FNIP1: variants seen among roughly 807,000 people sequenced by gnomAD.
FNIP1 encodes the protein folliculin interacting protein 1.
Under a neutral mutation model 124.5 loss-of-function variants are expected in FNIP1, and 40 were observed. The ratio of observed to expected loss-of-function variants is 0.32; its 90% confidence interval spans 0.25 to 0.42. The LOEUF (loss-of-function observed/expected upper bound fraction) is 0.42, where lower values mean the gene tolerates loss of function less well. FNIP1 is among the 10% of genes least tolerant of loss of function. The pLI is 1.00. For missense variants in FNIP1, 1,176 were observed against 1,403.7 expected, an observed-to-expected ratio of 0.84 and a Z score of 2.59; for synonymous variants, 472 against 470.6, an observed-to-expected ratio of 1.00 and a Z score of -0.04.
In FNIP1 at chr5:131,642,105, T is replaced by C. The variant is rs1238519904; in HGVS notation, c.*2580A>G. On this transcript the variant is annotated 3_prime_UTR_variant, in exon 18 of 18. Transcript: ENST00000510461. ...TATAATGTAAAAGATCCCTTTTTTA[T>C]TTCCTGTTTCAATAAACAGGTTTTT... 2.6e-5 allele frequency: 4 copies of C among 152,756 alleles called. No homozygotes were observed. The highest frequency in any genetic ancestry group is 9.7e-5 in the African/African-American group (4 of 41,446). The allele number at this position is 152,756 out of a possible 1,614,324, so 9.5% of individuals were successfully genotyped here. A position where few individuals can be genotyped will look rare whatever the true frequency, so the allele number is the denominator to read the frequency against.
In FNIP1 at chr5:131,769,984, G is replaced by A. The variant is rs199815560; in HGVS notation, c.93-25294C>T. Among the ~76,000 whole-genome samples the A allele has an allele frequency of 6.6e-5, 10 of 152,330 alleles. No individual in the cohort carries two copies. In the East Asian group the frequency reaches 1.9e-3, roughly 29 times the overall value. The stretch of plus-strand genomic sequence containing the variant: ...AAACAAGGTCTGGTCCAGAGTAAGA[G>A]TGCTCAGGCAACCAATGGCTTAGAA... On this transcript the variant is annotated intron_variant, in intron 1 of 17. Transcript: ENST00000510461.
intron 2 of FNIP1, among the ~76,000 whole-genome samples, chr5:131,741,571 T>C (rs1770514137): frequency 2.0e-5 from 3 of 152,226 alleles, no homozygotes. Context: ...GCTGTTATAT[T>C]CTTCATTGAC....
Position 131,672,362 on chromosome 5 carries a change from C to A in FNIP1, c.2082G>T (p.Leu694Phe). 1 of 1,614,194 alleles carries A rather than the reference C, an allele frequency of 6.2e-7. No homozygotes were observed. The highest frequency in any genetic ancestry group is 2.2e-5 in the East Asian group (1 of 44,886). Residue 694 changes from leucine to phenylalanine, a missense_variant, in exon 14 of 18, where the codon TTG becomes TTT. Physicochemically the swap from Leu to Phe is conservative, Grantham distance 22. Coordinates refer to ENST00000510461, the MANE Select transcript of FNIP1 (RefSeq NM_133372.3). ...CTGTTGACTCTAAGCCTGACTCTGA[C>A]AATGCACATTTGTCTACTGGAACAG... is the stretch of plus-strand genomic sequence containing the variant. ...TGSVPVDKCA[L>F]SESGLESTEE...
chr5:131,693,333 C>CATATATATATATATATATACATAT (rs1768564661), intron 11 of FNIP1, among the ~76,000 whole-genome samples: 8 of 50,150 alleles, frequency 1.6e-4, no homozygotes, highest in African/African-American at 5.4e-4. Flanking sequence ...TATATATATA[C>CATATATATATATATATATACATAT]ATATATATAT....
In FNIP1 at chr5:131,677,733, G is replaced by A; in HGVS notation, c.1489C>T (p.His497Tyr). 1 of 1,614,048 alleles carries A rather than the reference G, an allele frequency of 6.2e-7. No individual in the cohort carries two copies. The highest frequency in any genetic ancestry group is 2.2e-5 in the East Asian group (1 of 44,870). The change falls in exon 13 of 18, where the codon CAT becomes TAT. Residue 497 changes from histidine to tyrosine, a missense_variant. His to Tyr is a moderately conservative substitution (Grantham distance 83, BLOSUM62 2). Transcript: ENST00000510461. ...SQSVDMLAKT[H>Y]PYNPLWAQLG... Reference sequence around the variant, plus strand: ...TGTGCCCAAAGTGGGTTATATGGATGAGTCTTTGCCAACATGTCCACACTC... The same window carrying A: ...TGTGCCCAAAGTGGGTTATATGGATAAGTCTTTGCCAACATGTCCACACTC...
intron 12 of FNIP1, 142 bp downstream of exon 12, chr5:131,678,887 C>T: frequency 1.7e-6 from 1 of 604,510 alleles, no homozygotes; most frequent in East Asian, 3.1e-5. Flanking sequence ...CATACCCTAT[C>T]ATTTAATTAT....
intron 2 of FNIP1, among the ~76,000 whole-genome samples, chr5:131,735,274 A>G (rs573568597): frequency 4.6e-5 from 7 of 152,096 alleles, no homozygotes; most frequent in Non-Finnish European, 7.3e-5. Context: ...ACACTTGGAC[A>G]CACGAAGGGG....
At chr5:131,741,435 A>G (rs1035405364) in intron 2 of FNIP1, among the ~76,000 whole-genome samples, 1 of 152,244 alleles carries the variant, frequency 6.6e-6, no homozygotes, top group African/African-American at 2.4e-5. Context: ...CACTTTGTAT[A>G]GAATTTAAAA....
intron 11 of FNIP1, among the ~76,000 whole-genome samples, chr5:131,688,320 T>G (rs1310827762): frequency 6.7e-6 from 1 of 148,814 alleles, no homozygotes; most frequent in Non-Finnish European, 1.5e-5. Flanking sequence ...TATGGGAAAG[T>G]GAGGCTTCTG....
intron 11 of FNIP1, among the ~76,000 whole-genome samples, chr5:131,686,071 C>A (rs1346061284): frequency 6.6e-6 from 1 of 152,090 alleles, no homozygotes; most frequent in Non-Finnish European, 1.5e-5. Flanking sequence ...TAATAAATAA[C>A]CAATTTTACC....
intron 16 of FNIP1, among the ~76,000 whole-genome samples, chr5:131,649,315 C>G (rs1766978088): frequency 6.6e-6 from 1 of 152,264 alleles, no homozygotes; most frequent in East Asian, 1.9e-4. Context: ...TTGGTCAATA[C>G]TTACTATTTT....
chr5:131,791,293 G>A (rs1194392419), intron 1 of FNIP1, among the ~76,000 whole-genome samples: 1 of 152,066 alleles, frequency 6.6e-6, no homozygotes, highest in Non-Finnish European at 1.5e-5. Flanking sequence ...ATGAATTCAG[G>A]CAATGATCAA....
At chr5:131,765,229 A>G (rs1352771839) in intron 1 of FNIP1, among the ~76,000 whole-genome samples, 1 of 150,838 alleles carries the variant, frequency 6.6e-6, no homozygotes, top group East Asian at 1.9e-4. Context: ...CTGCGGGGGA[A>G]AAAAAAAAGC....
chr5:131,727,411 C>T (rs1769918529), intron 3 of FNIP1, among the ~76,000 whole-genome samples: 1 of 152,114 alleles, frequency 6.6e-6, no homozygotes, highest in East Asian at 1.9e-4. Context: ...ATTCCTTTAC[C>T]ATTATGTAAT....
At chr5:131,646,670 G>C (rs1042718214) in intron 17 of FNIP1, among the ~76,000 whole-genome samples, 4 of 152,134 alleles carry the variant, frequency 2.6e-5, no homozygotes, top group African/African-American at 9.7e-5. Context: ...AGAGTAGACA[G>C]ATATAATATA....
intron 1 of FNIP1, among the ~76,000 whole-genome samples, chr5:131,771,103 C>T (rs1030577849): frequency 1.3e-5 from 2 of 152,030 alleles, no homozygotes; most frequent in Non-Finnish European, 2.9e-5. Flanking sequence ...CACAACAGTC[C>T]CCAGAGTGTG....
At chr5:131,657,736 C>CAAA (rs59097834) in intron 15 of FNIP1, among the ~76,000 whole-genome samples, 13,903 of 64,710 alleles carry the variant, frequency 0.21, 2,879 homozygotes, top group East Asian at 0.34. Flanking sequence ...GAAAATAAGG[C>CAAA]AAAAAAAAAA....
intron 1 of FNIP1, among the ~76,000 whole-genome samples, chr5:131,761,700 G>T (rs1184924200): frequency 6.6e-6 from 1 of 151,828 alleles, no homozygotes; most frequent in Non-Finnish European, 1.5e-5. Flanking sequence ...GTAATCTGCA[G>T]ATTCAATGCA....
intron 15 of FNIP1, among the ~76,000 whole-genome samples, chr5:131,657,141 C>G (rs535592885): frequency 6.7e-6 from 1 of 149,942 alleles, no homozygotes; most frequent in South Asian, 2.1e-4. Flanking sequence ...GTAGCTGGGA[C>G]TACAGGCACC....
Sources: allele counts gnomAD v4.1 joint callset (sites outside exome capture counted in the v4.1 genomes callset), GRCh38; gene constraint gnomAD v4.1.1; transcripts MANE v1.5; gene names NCBI Gene and HGNC (gene_info 2026-07-23, HGNC 2026-07-21).